Variants in CNOT6L observed in about 807,000 individuals in gnomAD.
CNOT6L encodes the protein CCR4-NOT transcription complex subunit 6-like.
In CNOT6L, 7 loss-of-function variants were observed where a neutral mutation model predicts 64.0. That is an observed-to-expected ratio of 0.11 (90% confidence interval 0.06 to 0.21). The LOEUF (loss-of-function observed/expected upper bound fraction) is 0.21, where lower values mean the gene tolerates loss of function less well. CNOT6L is among the 10% of genes least tolerant of loss of function. The probability of loss-of-function intolerance (pLI) is 1.00; values close to 1 mark genes in which losing one functional copy is unlikely to be tolerated. For synonymous variants in CNOT6L, 193 were observed against 243.4 expected (o/e 0.79, Z 1.93); for missense variants, 245 against 669.0 (o/e 0.37, Z 6.99).
At chr4:77,765,724 T>A (rs1393701681) in intron 4 of CNOT6L, among the ~76,000 whole-genome samples, 1 of 152,204 alleles carries the variant, frequency 6.6e-6, no homozygotes, top group Admixed American at 6.5e-5. Flanking sequence ...TGTGACTGAT[T>A]CCAAGGGTTA....
At chr4:77,770,984 C>T (rs184775582) in intron 4 of CNOT6L, among the ~76,000 whole-genome samples, 212 of 152,218 alleles carry the variant, frequency 1.4e-3, no homozygotes, top group Non-Finnish European at 2.6e-3. Context: ...GTTGCTTTTT[C>T]AGGAATGTTT....
rs142888128 is a variant in CNOT6L, at chr4:77,743,586, CTTTTTTTTTTTT to C, written c.717+1120_717+1131del. Among the ~76,000 whole-genome samples the C allele has an allele frequency of 9.9e-5, 7 of 70,890 alleles. No homozygotes were observed. The South Asian group carries it at 1.5e-3, about 16-fold the overall frequency. 46.5% of individuals were successfully genotyped at this position (70,890 alleles called of 152,430 possible). ...GAATGTGTGAAATTGTAACACACAA[CTTTTTTTTTTTT>C]TTTTTTTTTTTTTTTTTTTTTGAGA... On this transcript the variant is annotated intron_variant, in intron 7 of 11. Coordinates refer to ENST00000504123, the MANE Select transcript of CNOT6L (RefSeq NM_144571.3).
intron 7 of CNOT6L, among the ~76,000 whole-genome samples, chr4:77,743,863 G>C (rs969400209): frequency 4.0e-5 from 6 of 151,894 alleles, no homozygotes; most frequent in African/African-American, 1.2e-4. Flanking sequence ...CGGCCTCCCA[G>C]AGTACTGGGA....
chr4:77,748,502 T>G, intron 5 of CNOT6L, 118 bp from the exon 6 acceptor site: 1 of 695,932 alleles, frequency 1.4e-6, no homozygotes. Flanking sequence ...CAAACTGACT[T>G]AATCTAATGC....
intron 1 of CNOT6L, among the ~76,000 whole-genome samples, chr4:77,818,796 G>C (rs1023641110): frequency 2.0e-5 from 3 of 151,866 alleles, no homozygotes; most frequent in African/African-American, 7.2e-5. Context: ...GGGGAGGTGG[G>C]CGGGCGCCCA....
At chr4:77,769,512 C>T (rs562771488) in intron 4 of CNOT6L, among the ~76,000 whole-genome samples, 35 of 152,176 alleles carry the variant, frequency 2.3e-4, no homozygotes, top group Non-Finnish European at 3.4e-4. Context: ...TCATCTGGTA[C>T]GAACTATTAA....
intron 1 of CNOT6L, among the ~76,000 whole-genome samples, chr4:77,795,740 T>C (rs1360350865): frequency 6.6e-6 from 1 of 152,132 alleles, no homozygotes; most frequent in African/African-American, 2.4e-5. Flanking sequence ...CTTTATAAAT[T>C]ACCCAGTCTC....
chr4:77,785,234 TAAAC>T (rs1356432121), intron 1 of CNOT6L, among the ~76,000 whole-genome samples: 4 of 152,056 alleles, frequency 2.6e-5, no homozygotes, highest in Admixed American at 2.0e-4. Context: ...GAAAAATAAA[TAAAC>T]AAACATCAAT....
rs1224080931 is a variant in CNOT6L at position 77,718,078 on chromosome 4, G to GT, written c.*2352dup. 7 of 152,048 alleles carry GT rather than the reference G, an allele frequency of 4.6e-5. No homozygotes were observed. The highest frequency in any genetic ancestry group is 3.9e-4 in the East Asian group (2 of 5,154). 9.4% of individuals were successfully genotyped at this position (152,048 alleles called of 1,614,324 possible). On this transcript the variant is annotated 3_prime_UTR_variant, in exon 12 of 12. Coordinates refer to ENST00000504123, the MANE Select transcript of CNOT6L (RefSeq NM_144571.3). ...CCCTCTACATTTAACTATTAAAAAAGTTTTTTATTAATAAATGGGCTCCTC... is the reference window on the plus strand; with the variant it reads ...CCCTCTACATTTAACTATTAAAAAAGTTTTTTTATTAATAAATGGGCTCCTC...
chr4:77,810,002 T>C (rs770229972), intron 1 of CNOT6L, among the ~76,000 whole-genome samples: 4 of 151,768 alleles, frequency 2.6e-5, no homozygotes, highest in Non-Finnish European at 5.9e-5. Flanking sequence ...ATTAGACTAC[T>C]TATTTCTTTA....
chr4:77,720,331 A>C lies in CNOT6L; in HGVS notation c.*100T>G, dbSNP rs762743276. The C allele has an allele frequency of 1.1e-4, 133 of 1,265,550 alleles. No individual in the cohort carries two copies. The highest frequency in any genetic ancestry group is 1.4e-4 in the Non-Finnish European group (127 of 896,526). The allele number at this position is 1,265,550 out of a possible 1,614,324, so 78.4% of individuals were successfully genotyped here. ...AACACATAATGAAAGAAACCTGAAG[A>C]AGCAGCTTAAGGATGGCCATACTTC... On this transcript the variant is annotated 3_prime_UTR_variant, in exon 12 of 12. Coordinates refer to ENST00000504123, the MANE Select transcript of CNOT6L (RefSeq NM_144571.3).
chr4:77,778,164 C>T (rs1315721429), intron 1 of CNOT6L, among the ~76,000 whole-genome samples: 2 of 152,166 alleles, frequency 1.3e-5, no homozygotes, highest in African/African-American at 4.8e-5. Context: ...TATAATACTT[C>T]TGAAAATAAA....
intron 1 of CNOT6L, among the ~76,000 whole-genome samples, chr4:77,788,581 A>T (rs1023899021): frequency 1.3e-5 from 2 of 152,132 alleles, no homozygotes; most frequent in African/African-American, 2.4e-5. Context: ...ACAAAAAATT[A>T]GCCGGACGTG....
rs71661135 is a variant in CNOT6L at position 77,801,690 on chromosome 4, T to TGCG, written c.5+17613_5+17614insCGC. Among the ~76,000 whole-genome samples the TGCG allele has an allele frequency of 3.1e-4, 16 of 52,068 alleles. 1 individual carries two copies. The highest frequency in any genetic ancestry group is 1.4e-3 in the African/African-American group (15 of 10,974). The allele number at this position is 52,068 out of a possible 152,430, so 34.2% of individuals were successfully genotyped here. On this transcript the variant is annotated intron_variant, in intron 1 of 11. Transcript: ENST00000504123. ...AGTTATTTTACCAGAAGATAAAAAT[T>TGCG]GGGGGGGGGGGAGAATGAAACATTT...
chr4:77,725,999 A>C, intron 11 of CNOT6L, 168 bp downstream of exon 11: 2 of 624,006 alleles, frequency 3.2e-6, no homozygotes, highest in Non-Finnish European at 5.6e-6. Flanking sequence ...AACAATAGCC[A>C]CAAAACCCAA....
chr4:77,739,391 C>CAAATGAAGAAACAGGTCCAG (rs1723335140), intron 8 of CNOT6L, among the ~76,000 whole-genome samples: 1 of 152,142 alleles, frequency 6.6e-6, no homozygotes, highest in Non-Finnish European at 1.5e-5. Context: ...TAAGAATATA[C>CAAATGAAGAAACAGGTCCAG]AAATGAAGAA....
intron 1 of CNOT6L, among the ~76,000 whole-genome samples, chr4:77,805,703 C>G (rs150969259): frequency 6.6e-6 from 1 of 152,264 alleles, no homozygotes; most frequent in East Asian, 1.9e-4. Flanking sequence ...TTCAATATAA[C>G]AAGTTCCTTT....
At chr4:77,756,743 G>A in intron 5 of CNOT6L, 119 bp downstream of exon 5, 1 of 581,174 alleles carries the variant, frequency 1.7e-6, no homozygotes, top group Non-Finnish European at 3.0e-6. Flanking sequence ...ATATACAATG[G>A]AAGGAACTCC....
chr4:77,800,111 C>T (rs1044937083), intron 1 of CNOT6L, among the ~76,000 whole-genome samples: 5 of 151,672 alleles, frequency 3.3e-5, no homozygotes, highest in African/African-American at 1.2e-4. Context: ...TACCAGAAAA[C>T]TGAACTTGAT....
Sources: gnomAD v4.1 joint callset for allele counts (sites outside exome capture counted in the v4.1 genomes callset) on GRCh38, gnomAD v4.1.1 for gene constraint, MANE v1.5 for transcripts, NCBI Gene and HGNC (gene_info 2026-07-23, HGNC 2026-07-21) for gene names.